HMCN2: variants seen among roughly 807,000 people sequenced by gnomAD.
HMCN2 encodes the protein hemicentin 2, also known as hemicentin-2.
A neutral mutation model predicts 377.5 loss-of-function variants in HMCN2; 325 were observed. The ratio of observed to expected loss-of-function variants is 0.86; its 90% CI spans 0.79 to 0.94. HMCN2 has a LOEUF of 0.94. Among genes scored for constraint, HMCN2 ranks in the 40% least tolerant of loss-of-function variants. The pLI, the probability that HMCN2 is intolerant of heterozygous loss-of-function variation, is 0.00. For synonymous variants in HMCN2, 2,007 were observed against 2,046.8 expected (o/e 0.98, Z 0.53); for missense variants, 4,543 against 4,725.3 (o/e 0.96, Z 1.13).
chr9:130,384,243 T>G, intron 57 of HMCN2, 130 bp from the exon 58 acceptor site: 1 of 690,456 alleles, frequency 1.4e-6, no homozygotes. Context: ...TGGAGGTTTC[T>G]GAATTATTTG....
chr9:130,394,620 A>T lies in HMCN2; in HGVS notation c.10692+45A>T. The T allele has an allele frequency of 3.3e-6, 4 of 1,223,728 alleles. No individual in the cohort carries two copies. The highest frequency in any genetic ancestry group is 3.2e-6 in the Non-Finnish European group (3 of 945,940). The allele number at this position is 1,223,728 out of a possible 1,614,324, so 75.8% of individuals were successfully genotyped here. ...GGGGCGAGGCTGGGGGTTGGGGGAG[A>T]GGGGAGGGACTGCAGGTTCCCCAGA... On this transcript the variant is annotated intron_variant, in intron 69 of 97. Coordinates refer to ENST00000683500, the MANE Select transcript of HMCN2 (RefSeq NM_001291815.2). The surrounding 1 kb of genome is among the most constrained non-coding windows in gnomAD (Gnocchi z 5.1).
rs1259270492 is a variant in HMCN2, at chr9:130,422,106, C to T, written c.13232-471C>T. The stretch of plus-strand genomic sequence containing the variant: ...CCGGCCAGGCCAGCTGCAGGGCAGC[C>T]AGGGCCAGCAGCACTGATGGAATGG... On this transcript the variant is annotated intron_variant, in intron 86 of 97. Transcript: ENST00000683500. The surrounding 1 kb of genome is among the most constrained non-coding windows in gnomAD (Gnocchi z 4.2). 6.6e-6 allele frequency among the ~76,000 whole-genome samples: 1 copy of T among 152,260 alleles called. No homozygotes were observed.
chr9:130,335,873 G>A (rs1384004353), intron 22 of HMCN2, among the ~76,000 whole-genome samples: 1 of 152,210 alleles, frequency 6.6e-6, no homozygotes, highest in Non-Finnish European at 1.5e-5. Flanking sequence ...CGGTTCCGCA[G>A]CCATTAGTAT....
rs957450930 is a variant in HMCN2, at chr9:130,430,291, T to C, written c.14334T>C (p.Asn4778=). ...GACCCCACCCGTCTGCAGATGTCAA[T>C]GAGTGCCTGCAGCTGCCCAAGGCCT... ...QGPSLPCLDV[N]ECLQLPKACA... Residue 4778 remains asparagine (N), a synonymous_variant, in exon 95 of 98, where the codon AAT becomes AAC. Transcript: ENST00000683500. The C allele has an allele frequency of 5.2e-6, 8 of 1,537,838 alleles. No individual in the cohort carries two copies. The Admixed American group carries it at 5.9e-5, about 11-fold the overall frequency.
chr9:130,273,708 G>T lies in HMCN2; in HGVS notation c.259+7571G>T, dbSNP rs182616722. On this transcript the variant is annotated intron_variant, in intron 1 of 97. Transcript: ENST00000683500. ...AGACAGGGTTTCACCATGTTGGCCAGGCTGGTCCCAAACTCCTGACCTCAG... is the reference window on the plus strand; with the variant it reads ...AGACAGGGTTTCACCATGTTGGCCATGCTGGTCCCAAACTCCTGACCTCAG... 3.5e-4 allele frequency among the ~76,000 whole-genome samples: 54 copies of T among 152,270 alleles called. No individual in the cohort carries two copies. In the East Asian group the frequency reaches 7.5e-3, roughly 21 times the overall value.
rs1842677028 is a variant in HMCN2 at position 130,397,795 on chromosome 9, G to T, written c.11326+140G>T. 10 of 740,642 alleles carry T rather than the reference G, an allele frequency of 1.4e-5. No homozygotes were observed. In the South Asian group the frequency reaches 1.8e-4, roughly 14 times the overall value. The allele number at this position is 740,642 out of a possible 1,614,324, so 45.9% of individuals were successfully genotyped here. ...TGACCATGAAGCCCATTAGTAAAAA[G>T]TTGTGATCATGCACACTCAAAGGAC... On this transcript the variant is annotated intron_variant, in intron 74 of 97. Coordinates refer to ENST00000683500, the MANE Select transcript of HMCN2 (RefSeq NM_001291815.2).
rs1017072839 is a variant in HMCN2, at chr9:130,388,556, C to T, written c.9523+16C>T. On this transcript the variant is annotated intron_variant, in intron 62 of 97. Transcript: ENST00000683500. ...ATGCCTGTGGGTGAGCACATCTGTC[C>T]TTGTCTGTTTCGCGTAAAGCATTCC... The T allele has an allele frequency of 4.0e-6, 4 of 987,978 alleles. No individual in the cohort carries two copies. Among genetic ancestry groups the T allele is most frequent in the African/African-American group, 3.5e-5 (2 of 57,298 alleles). 61.2% of individuals were successfully genotyped at this position (987,978 alleles called of 1,614,324 possible).
In HMCN2 at chr9:130,353,084, C is replaced by T; in HGVS notation, c.4743C>T (p.Tyr1581=). The T allele has an allele frequency of 1.5e-6, 2 of 1,304,256 alleles. No individual in the cohort carries two copies. Among genetic ancestry groups the T allele is most frequent in the Non-Finnish European group, 2.0e-6 (2 of 988,936 alleles). 80.8% of individuals were successfully genotyped at this position (1,304,256 alleles called of 1,614,324 possible). Residue 1581 remains tyrosine (Y), a synonymous_variant, in exon 31 of 98, where the codon TAC becomes TAT. Coordinates refer to ENST00000683500, the MANE Select transcript of HMCN2 (RefSeq NM_001291815.2). Reference sequence around the variant, plus strand: ...TCCCCACCAGCACCAAGGTGGTCTACACTAGGGGCGGTCGGCAGTTGCAGC... The same window carrying T: ...TCCCCACCAGCACCAAGGTGGTCTATACTAGGGGCGGTCGGCAGTTGCAGC... The part of the protein sequence containing the change: ...ALLPTSTKVV[Y]TRGGRQLQLG...
Position 130,391,278 on chromosome 9 carries a change from T to C in HMCN2, c.9742T>C (p.Cys3248Arg), listed in dbSNP as rs11244138. 4 of 987,566 alleles carry C rather than the reference T, an allele frequency of 4.1e-6. No individual in the cohort carries two copies. The African/African-American group carries it at 5.2e-5, about 13-fold the overall frequency. The allele number at this position is 987,566 out of a possible 1,614,324, so 61.2% of individuals were successfully genotyped here. A position where few individuals can be genotyped will look rare whatever the true frequency, so the allele number is the denominator to read the frequency against. ...GGAAGGGCAGGAGGTGCGGCTGGAC[T>C]GTGAGGCCGATGGGCAGCCGCCGCC... ...VLEGQEVRLD[C>R]EADGQPPPDV... Residue 3248 changes from cysteine to arginine, a missense_variant, in exon 64 of 98, where the codon TGT becomes CGT. Transcript: ENST00000683500.
intron 15 of HMCN2, among the ~76,000 whole-genome samples, chr9:130,312,505 G>GTCCCTCTCTCCC (rs1837300435): frequency 1.7e-4 from 1 of 6,012 alleles, no homozygotes; most frequent in African/African-American, 2.9e-4. Flanking sequence ...CTTTCTTTCT[G>GTCCCTCTCTCCC]TCCCTCCCTC....
In HMCN2 at chr9:130,322,778, C is replaced by T. The variant is rs1055856135; in HGVS notation, c.2920+847C>T. Reference sequence around the variant, plus strand: ...TGCCCAACTGCTCTCCTGCCCACAGCACTGGGTTCTTTTATTCACCCAACT... The same window carrying T: ...TGCCCAACTGCTCTCCTGCCCACAGTACTGGGTTCTTTTATTCACCCAACT... On this transcript the variant is annotated intron_variant, in intron 19 of 97. Transcript: ENST00000683500. 3.5e-3 allele frequency among the ~76,000 whole-genome samples: 527 copies of T among 152,322 alleles called. 1 individual carries two copies. The highest frequency in any genetic ancestry group is 0.012 in the African/African-American group (503 of 41,564).
intron 96 of HMCN2, 32 bp from the exon 97 acceptor site, chr9:130,432,397 C>A: frequency 6.4e-7 from 1 of 1,550,616 alleles, no homozygotes; most frequent in Non-Finnish European, 8.7e-7. Context: ...CTTTTCATCT[C>A]CCTCCCCCGC....
At chr9:130,424,729 C>T (rs1588441629) in intron 87 of HMCN2, 47 bp from the exon 88 acceptor site, 1 of 1,460,922 alleles carries the variant, frequency 6.8e-7, no homozygotes, top group African/African-American at 1.4e-5. Context: ...GAGGTGGCTG[C>T]CCTGAGGATC....
At chr9:130,400,664 C>A in intron 76 of HMCN2, 119 bp from the exon 77 acceptor site, 1 of 606,562 alleles carries the variant, frequency 1.6e-6, no homozygotes, top group Non-Finnish European at 2.3e-6. Flanking sequence ...CTGTTGCCAC[C>A]TCCCTCCTTG....
chr9:130,424,438 G>A (rs940749878), intron 87 of HMCN2, among the ~76,000 whole-genome samples: 6 of 150,692 alleles, frequency 4.0e-5, no homozygotes, highest in Non-Finnish European at 3.0e-5. Context: ...TGACTGCCTC[G>A]GCCTCCCAAA....
intron 86 of HMCN2, among the ~76,000 whole-genome samples, chr9:130,420,684 C>T (rs571395158): frequency 2.6e-5 from 4 of 152,202 alleles, no homozygotes; most frequent in African/African-American, 9.6e-5. Flanking sequence ...ACATCACCCC[C>T]ACCTCTGCCT....
intron 85 of HMCN2, among the ~76,000 whole-genome samples, chr9:130,411,481 T>C (rs1166280135): frequency 1.3e-5 from 2 of 149,936 alleles, no homozygotes; most frequent in African/African-American, 2.5e-5. Flanking sequence ...ACGCCTGTAA[T>C]CCCAGTCATT....
At chr9:130,433,224 GAGA>G (rs1413319234) in intron 97 of HMCN2, 121 bp from the exon 98 acceptor site, 8 of 714,392 alleles carry the variant, frequency 1.1e-5, no homozygotes, top group South Asian at 4.9e-5. Flanking sequence ...GGCTCTGCGG[GAGA>G]AGGACGGGCA....
chr9:130,311,316 A>G (rs1837229301), intron 15 of HMCN2, among the ~76,000 whole-genome samples: 1 of 152,154 alleles, frequency 6.6e-6, no homozygotes, highest in Non-Finnish European at 1.5e-5. Flanking sequence ...GTAGGCATAG[A>G]TAGGAGGGTC....
Sources: allele counts gnomAD v4.1 joint callset (sites outside exome capture counted in the v4.1 genomes callset), GRCh38; gene constraint gnomAD v4.1.1; non-coding constraint Gnocchi (gnomAD v3.1); transcripts MANE v1.5; gene names NCBI Gene and HGNC (gene_info 2026-07-23, HGNC 2026-07-21).